Variants in NRXN3 observed in about 807,000 individuals in gnomAD.
NRXN3 encodes the protein neurexin III.
In NRXN3, 32 loss-of-function variants were observed where a neutral mutation model predicts 137.6. The ratio of observed to expected loss-of-function variants is 0.23; its 90% confidence interval spans 0.18 to 0.31. The LOEUF is 0.31. NRXN3 is among the 10% of genes least tolerant of loss of function. NRXN3 has a pLI of 1.00. For missense variants in NRXN3, 1,574 were observed against 2,062.5 expected, an observed-to-expected ratio of 0.76 and a Z score of 4.59; for synonymous variants, 798 against 784.5, an observed-to-expected ratio of 1.02 and a Z score of -0.29.
chr14:78,363,348 G>C (rs918069257), intron 4 of NRXN3, among the ~76,000 whole-genome samples: 1 of 152,106 alleles, frequency 6.6e-6, no homozygotes, highest in African/African-American at 2.4e-5. Flanking sequence ...TTTTAAAGAT[G>C]GGCTAAGCAA....
At chr14:78,557,833 AC>A (rs1177129716) in intron 4 of NRXN3, among the ~76,000 whole-genome samples, 1 of 152,262 alleles carries the variant, frequency 6.6e-6, no homozygotes, top group African/African-American at 2.4e-5. Flanking sequence ...GCAATCTAGC[AC>A]CTGCCAGAGG....
intron 15 of NRXN3, among the ~76,000 whole-genome samples, chr14:79,126,159 CATTT>C (rs2056393917): frequency 6.6e-6 from 1 of 151,570 alleles, no homozygotes; most frequent in Admixed American, 6.6e-5. Flanking sequence ...TAGTTCAGAG[CATTT>C]ATTTATTTTT....
At chr14:79,094,252 T>G (rs970581085) in intron 15 of NRXN3, among the ~76,000 whole-genome samples, 3 of 152,160 alleles carry the variant, frequency 2.0e-5, no homozygotes, top group Admixed American at 6.6e-5. Context: ...TTGCCTACCG[T>G]GGCTTACCTT....
At chr14:79,637,729 C>CTTTTTTTTTTTCTTTTTTTTTTTT (rs2098411978) in intron 16 of NRXN3, among the ~76,000 whole-genome samples, 5 of 95,622 alleles carry the variant, frequency 5.2e-5, no homozygotes, top group Admixed American at 2.0e-4. Flanking sequence ...TAGAAAAGTT[C>CTTTTTTTTTTTCTTTTTTTTTTTT]TTTTTTTTTT....
At chr14:79,715,242 T>C (rs178382) in intron 19 of NRXN3, among the ~76,000 whole-genome samples, 90,658 of 152,096 alleles carry the variant, frequency 0.6, 27,183 homozygotes, top group East Asian at 0.84. Context: ...CGTGAGCCAC[T>C]GTGCCCAGCC....
At chr14:79,403,310 T>C (rs993262561) in intron 15 of NRXN3, among the ~76,000 whole-genome samples, 6 of 152,064 alleles carry the variant, frequency 3.9e-5, no homozygotes, top group Middle Eastern at 3.2e-3. Context: ...TTCCCAAAAA[T>C]AGGTGAAATT....
At chr14:78,626,548 G>A (rs1360778604) in intron 4 of NRXN3, among the ~76,000 whole-genome samples, 1 of 152,198 alleles carries the variant, frequency 6.6e-6, no homozygotes, top group African/African-American at 2.4e-5. Context: ...TATCAAGAAT[G>A]TTCTGACCTC....
chr14:79,298,487 C>T (rs1243944467), intron 15 of NRXN3, among the ~76,000 whole-genome samples: 1 of 152,050 alleles, frequency 6.6e-6, no homozygotes, highest in Non-Finnish European at 1.5e-5. Flanking sequence ...CTGCAGTTGA[C>T]ATTTCTTCAG....
chr14:79,730,037 G>C (rs2098916031), intron 19 of NRXN3, among the ~76,000 whole-genome samples: 1 of 152,110 alleles, frequency 6.6e-6, no homozygotes, highest in Non-Finnish European at 1.5e-5. Context: ...AGAAAGAAAG[G>C]GGGCTGCTAT....
At chr14:79,573,614 T>C (rs762994016) in intron 16 of NRXN3, among the ~76,000 whole-genome samples, 5 of 152,112 alleles carry the variant, frequency 3.3e-5, no homozygotes, top group Non-Finnish European at 7.4e-5. Context: ...AGAAAGAAGG[T>C]CAACCCTTTG....
intron 16 of NRXN3, among the ~76,000 whole-genome samples, chr14:79,559,723 A>G (rs943756226): frequency 7.9e-5 from 12 of 152,198 alleles, no homozygotes; most frequent in Non-Finnish European, 1.3e-4. Context: ...ATTTGTAAAA[A>G]GCATAATATC....
At chr14:79,749,305 C>G (rs989063922) in intron 19 of NRXN3, among the ~76,000 whole-genome samples, 4 of 152,052 alleles carry the variant, frequency 2.6e-5, no homozygotes, top group Non-Finnish European at 5.9e-5. Flanking sequence ...GAGAGCACAT[C>G]CACACCTCCA....
At chr14:78,414,617 C>T (rs966079104) in intron 4 of NRXN3, among the ~76,000 whole-genome samples, 3 of 152,158 alleles carry the variant, frequency 2.0e-5, no homozygotes, top group African/African-American at 7.2e-5. Flanking sequence ...ACTTGTATTA[C>T]CAGATCTATT....
chr14:79,596,047 GT>G (rs199980682), intron 16 of NRXN3, among the ~76,000 whole-genome samples: 1,539 of 139,044 alleles, frequency 0.011, 10 homozygotes, highest in African/African-American at 0.031. Flanking sequence ...CTTGGGATGG[GT>G]TTTTTTTTTT....
intron 16 of NRXN3, among the ~76,000 whole-genome samples, chr14:79,660,411 TG>T (rs2098527767): frequency 1.3e-5 from 2 of 152,098 alleles, no homozygotes. Context: ...ATGAAACACC[TG>T]GGAAAGGATC....
intron 15 of NRXN3, among the ~76,000 whole-genome samples, chr14:79,219,614 C>T (rs1289563447): frequency 6.6e-6 from 1 of 152,106 alleles, no homozygotes; most frequent in African/African-American, 2.4e-5. Context: ...ACTAAGAAGA[C>T]CTGAATAGCT....
chr14:79,397,782 T>C lies in NRXN3; in HGVS notation c.3263-69439T>C, dbSNP rs528159069. Reference sequence around the variant, plus strand: ...TTACAACCTGTGAGTACTCAGAACCTGGACTTTCATGTCTTTTAGAAAGAC... The same window carrying C: ...TTACAACCTGTGAGTACTCAGAACCCGGACTTTCATGTCTTTTAGAAAGAC... On this transcript the variant is annotated intron_variant, in intron 15 of 20. Transcript: ENST00000335750. Among the ~76,000 whole-genome samples the C allele has an allele frequency of 3.9e-5, 6 of 152,330 alleles. No homozygotes were observed. In the East Asian group the frequency reaches 1.2e-3, roughly 29 times the overall value.
chr14:79,710,800 A>ATTTTCTATTCCACAAAC (rs778396503), intron 19 of NRXN3, among the ~76,000 whole-genome samples: 27 of 152,140 alleles, frequency 1.8e-4, no homozygotes, highest in Non-Finnish European at 3.7e-4. Flanking sequence ...TATGGAGAAC[A>ATTTTCTATTCCACAAAC]TTTTCTATTC....
intron 19 of NRXN3, among the ~76,000 whole-genome samples, chr14:79,716,723 A>C (rs957703916): frequency 1.3e-5 from 2 of 152,030 alleles, no homozygotes; most frequent in Admixed American, 1.3e-4. Context: ...ATTTCTTTTT[A>C]ATTGTAATCC....
Sources: allele counts gnomAD v4.1 joint callset (sites outside exome capture counted in the v4.1 genomes callset), GRCh38; gene constraint gnomAD v4.1.1; transcripts MANE v1.5; gene names NCBI Gene and HGNC (gene_info 2026-07-23, HGNC 2026-07-21).